Variants in EIF2B5 observed in about 807,000 individuals in gnomAD.
EIF2B5 encodes eukaryotic translation initiation factor 2B subunit epsilon, also known as translation initiation factor eIF2B subunit epsilon.
A neutral mutation model predicts 87.3 loss-of-function variants in EIF2B5; 38 were observed. The ratio of observed to expected loss-of-function variants is 0.44; its 90% CI spans 0.34 to 0.57. The LOEUF is 0.57. EIF2B5 is among the 20% of genes least tolerant of loss of function. The pLI is 0.02. For missense variants in EIF2B5, 784 were observed against 909.5 expected, an observed-to-expected ratio of 0.86 and a Z score of 1.78; for synonymous variants, 313 against 339.6, an observed-to-expected ratio of 0.92 and a Z score of 0.86.
rs1713674191 is a variant in EIF2B5, at chr3:184,142,301, C to T, written c.1367C>T (p.Ala456Val). Residue 456 changes from alanine (A) to valine (V), a missense_variant, in exon 9 of 16, where the codon GCA (alanine) becomes GTA (valine). Physicochemically the swap from Ala to Val is moderately conservative, Grantham distance 64 (BLOSUM62 0). Coordinates refer to ENST00000648915, the MANE Select transcript of EIF2B5 (RefSeq NM_003907.3). This position sits in a 1 kb window ranked among gnomAD's most constrained non-coding sequence, Gnocchi z 5.0. ...GSVISLHPPDAEEDEDDGEFS... is the reference protein window; with the variant it reads ...GSVISLHPPDVEEDEDDGEFS... ...GTGATCTCTTTGCACCCTCCAGATGCAGAGGAAGATGAAGATGATGGCGAG... is the reference window on the plus strand; with the variant it reads ...GTGATCTCTTTGCACCCTCCAGATGTAGAGGAAGATGAAGATGATGGCGAG... 1.2e-6 allele frequency: 2 copies of T among 1,614,050 alleles called. No individual in the cohort carries two copies. The highest frequency in any genetic ancestry group is 1.7e-6 in the Non-Finnish European group (2 of 1,180,008).
At position 184,140,522 on chromosome 3, in the gene EIF2B5, A is replaced by T; in HGVS notation, c.948A>T (p.Arg316=). The change falls in exon 7 of 16, where the codon CGA becomes CGT. Residue 316 remains arginine, a synonymous_variant. Transcript: ENST00000648915. ...YSAVCADVIR[R]WVYPLTPEAN... ...CTGTCTGTGCTGACGTCATCCGCCG[A>T]TGGGTCTACCCTCTCACCCCAGAGG... 6.2e-7 allele frequency: 1 copy of T among 1,614,102 alleles called. No homozygotes were observed. Among genetic ancestry groups the T allele is most frequent in the Non-Finnish European group, 8.5e-7 (1 of 1,180,014 alleles).
Position 184,142,349 on chromosome 3 carries a change from A to G in EIF2B5, c.1415A>G (p.Asp472Gly). ...GAGTTCAGTGATGATTCTGGGGCTG[A>G]CCAAGAAAAGGACAAAGTGAAGATG... ...DGEFSDDSGADQEKDKVKMKG... is the reference protein window; with the variant it reads ...DGEFSDDSGAGQEKDKVKMKG... The change falls in exon 9 of 16, where the codon GAC (aspartate) becomes GGC (glycine). Residue 472 changes from aspartate to glycine, a missense_variant. This residue lies in a region of EIF2B5 where 660 missense variants were observed against 789.5 expected (regional missense o/e 0.84). Transcript: ENST00000648915. This position sits in a 1 kb window ranked among gnomAD's most constrained non-coding sequence, Gnocchi z 5.0. The G allele has an allele frequency of 4.3e-6, 7 of 1,614,196 alleles. No homozygotes were observed. The highest frequency in any genetic ancestry group is 5.9e-6 in the Non-Finnish European group (7 of 1,180,040).
Position 184,140,690 on chromosome 3 carries a change from C to G in EIF2B5, c.1116C>G (p.Cys372Trp). The G allele has an allele frequency of 6.2e-7, 1 of 1,614,142 alleles. No homozygotes were observed. Residue 372 changes from cysteine (C) to tryptophan (W), a missense_variant, in exon 7 of 16, where the codon TGC becomes TGG. By Grantham distance (215) the Cys-to-Trp change is radical. Around this residue, in one of 3 missense-constraint regions of EIF2B5, gnomAD observed 660 missense variants for 789.5 expected, o/e 0.84. Transcript: ENST00000648915. ...CTGGCACTGTCATTGGCAGCAATTG[C>G]TTTATCACCAACAGTGTCATTGGCC... is the stretch of plus-strand genomic sequence containing the variant. The part of the protein sequence containing the change: ...LGSGTVIGSN[C>W]FITNSVIGPG...
chr3:184,142,971 T>C lies in EIF2B5; in HGVS notation c.1655-81T>C, dbSNP rs1391947067. 1.3e-6 allele frequency: 2 copies of C among 1,573,298 alleles called. No homozygotes were observed. The highest frequency in any genetic ancestry group is 4.5e-5 in the East Asian group (2 of 44,478). ...AGAGGCTTACGTTCCTCAGAAAGGG[T>C]TTGGTATCGAGTCAAGACTAGATGA... On this transcript the variant is annotated intron_variant, in intron 11 of 15. Coordinates refer to ENST00000648915, the MANE Select transcript of EIF2B5 (RefSeq NM_003907.3). The surrounding 1 kb of genome is among the most constrained non-coding windows in gnomAD (Gnocchi z 5.0).
At chr3:184,138,502 A>G (rs909770143) in intron 5 of EIF2B5, among the ~76,000 whole-genome samples, 1 of 148,806 alleles carries the variant, frequency 6.7e-6, no homozygotes, top group Non-Finnish European at 1.5e-5. Context: ...GATTACAGGC[A>G]CACCACCATG....
rs764431870 is a variant in EIF2B5 at position 184,142,110 on chromosome 3, A to G, written c.1302+40A>G. The G allele has an allele frequency of 1.2e-6, 2 of 1,614,112 alleles. No homozygotes were observed. Among genetic ancestry groups the G allele is most frequent in the Non-Finnish European group, 1.7e-6 (2 of 1,180,028 alleles). ...ATACTGTGCACAGGCCCTGAATTGC[A>G]TGGCAGTCACACTGAGCCAGAAGGG... On this transcript the variant is annotated intron_variant, in intron 8 of 15. Coordinates refer to ENST00000648915, the MANE Select transcript of EIF2B5 (RefSeq NM_003907.3). The surrounding 1 kb of genome is among the most constrained non-coding windows in gnomAD (Gnocchi z 5.0).
Position 184,144,253 on chromosome 3 carries a change from T to C in EIF2B5, c.1995+29T>C, listed in dbSNP as rs1446351493. On this transcript the variant is annotated intron_variant, in intron 14 of 15. Transcript: ENST00000648915. Reference sequence around the variant, plus strand: ...AATATGACCTCAAGCCCCATTCTTCTGCACTTGCTTTCAAACGAGGGTTGG... The same window carrying C: ...AATATGACCTCAAGCCCCATTCTTCCGCACTTGCTTTCAAACGAGGGTTGG... 5 of 1,613,326 alleles carry C rather than the reference T, an allele frequency of 3.1e-6. No individual in the cohort carries two copies. In the South Asian group the frequency reaches 4.4e-5, roughly 14 times the overall value.
At chr3:184,135,716 G>A in intron 1 of EIF2B5, 136 bp downstream of exon 1, 2 of 1,264,450 alleles carry the variant, frequency 1.6e-6, no homozygotes, top group Non-Finnish European at 1.1e-6. Flanking sequence ...CGGATGCAGA[G>A]GGACTGTCTA....
chr3:184,140,442 C>T lies in EIF2B5; in HGVS notation c.868C>T (p.His290Tyr). The T allele has an allele frequency of 1.9e-6, 3 of 1,614,142 alleles. No individual in the cohort carries two copies. The highest frequency in any genetic ancestry group is 2.2e-5 in the East Asian group (1 of 44,872). Residue 290 changes from histidine (H) to tyrosine (Y), a missense_variant, in exon 7 of 16, where the codon CAC (histidine) becomes TAC (tyrosine). By Grantham distance (83) the His-to-Tyr change is moderately conservative. This residue lies in a region of EIF2B5 where 660 missense variants were observed against 789.5 expected (regional missense o/e 0.84). Coordinates refer to ENST00000648915, the MANE Select transcript of EIF2B5 (RefSeq NM_003907.3). ...GATCCTAGGGAACCAGATCCACATG[C>T]ACGTAACAGCTAAGGAATATGGTGC... ...EEILGNQIHM[H>Y]VTAKEYGARV...
chr3:184,138,936 A>C (rs1371764037), intron 5 of EIF2B5: 5 of 273,894 alleles, frequency 1.8e-5, no homozygotes, highest in African/African-American at 1.2e-4. Flanking sequence ...TGCTGGGATT[A>C]CAGGCATGAG....
In EIF2B5 at chr3:184,135,512, C is replaced by G; in HGVS notation, c.127C>G (p.Leu43Val). ...RGAEEEPPPPLQAVLVADSFD... is the reference protein window; with the variant it reads ...RGAEEEPPPPVQAVLVADSFD... ...GGCGGAGGAGGAACCGCCGCCGCCC[C>G]TACAAGCAGTTCTGGTGGCCGATAG... The change falls in exon 1 of 16, where the codon CTA (leucine) becomes GTA (valine). Residue 43 changes from leucine (L) to valine (V), a missense_variant. Physicochemically the swap from Leu to Val is conservative, Grantham distance 32. Around this residue, in one of 3 missense-constraint regions of EIF2B5, gnomAD observed 117 missense variants for 101.0 expected, o/e 1.16. Transcript: ENST00000648915. 1.9e-6 allele frequency: 3 copies of G among 1,587,300 alleles called. No homozygotes were observed. Among genetic ancestry groups the G allele is most frequent in the Non-Finnish European group, 2.6e-6 (3 of 1,167,698 alleles).
In EIF2B5 at chr3:184,135,488, G is replaced by A. The variant is rs1044684010; in HGVS notation, c.103G>A (p.Ala35Thr). The A allele has an allele frequency of 6.3e-7, 1 of 1,580,656 alleles. No homozygotes were observed. The change falls in exon 1 of 16, where the codon GCG becomes ACG. Residue 35 changes from alanine (A) to threonine (T), a missense_variant. Physicochemically the swap from Ala to Thr is moderately conservative, Grantham distance 58. Transcript: ENST00000648915. Reference protein sequence around the residue: ...GGSGGGGARGAEEEPPPPLQA... With the variant: ...GGSGGGGARGTEEEPPPPLQA... ...CAGCGGTGGCGGGGGAGCCAGAGGG[G>A]CGGAGGAGGAACCGCCGCCGCCCCT...
intron 2 of EIF2B5, chr3:184,137,281 T>C: frequency 2.4e-6 from 1 of 418,304 alleles, no homozygotes; most frequent in Non-Finnish European, 4.5e-6. Context: ...GTTATATGGA[T>C]TGCAGAAGGG....
Position 184,144,584 on chromosome 3 carries a change from T to G in EIF2B5, c.1996-13T>G. 1.2e-6 allele frequency: 2 copies of G among 1,612,810 alleles called. No homozygotes were observed. Among genetic ancestry groups the G allele is most frequent in the Non-Finnish European group, 1.7e-6 (2 of 1,178,962 alleles). ...CCAAGGCCCCTGAGGTCCCCTTTAT[T>G]GGCCTTTTGCAGGTACTGATGGCTT... On this transcript the variant is annotated splice_polypyrimidine_tract_variant and intron_variant, in intron 14 of 15. Transcript: ENST00000648915.
At chr3:184,139,633 C>T (rs1713531275) in intron 5 of EIF2B5, among the ~76,000 whole-genome samples, 1 of 151,168 alleles carries the variant, frequency 6.6e-6, no homozygotes, top group Non-Finnish European at 1.5e-5. Context: ...CTCCAGTATC[C>T]CACTGGGAGT....
intron 1 of EIF2B5, among the ~76,000 whole-genome samples, chr3:184,136,250 T>G (rs1388685918): frequency 1.3e-5 from 2 of 152,244 alleles, no homozygotes; most frequent in Admixed American, 1.3e-4. Context: ...CTCTGACACT[T>G]AGAAAGGGAT....
chr3:184,141,505 G>T (rs1488546305), intron 7 of EIF2B5, among the ~76,000 whole-genome samples: 1 of 152,082 alleles, frequency 6.6e-6, no homozygotes, highest in Non-Finnish European at 1.5e-5. Context: ...GAGGTCGAGG[G>T]TGCAGTGAGT....
intron 6 of EIF2B5, 25 bp from the exon 7 acceptor site, chr3:184,140,393 T>G (rs1713572925): frequency 6.2e-7 from 1 of 1,613,426 alleles, no homozygotes; most frequent in Admixed American, 1.7e-5. Context: ...CTTGCTTAGG[T>G]GACCTCCCTT....
In EIF2B5 at chr3:184,142,161, C is replaced by T. The variant is rs1043341960; in HGVS notation, c.1303-76C>T. ...GCATTATTTCCACCCATAATCCTGT[C>T]TAAAAAAGTTGCTCTCATTATCAGG... On this transcript the variant is annotated intron_variant, in intron 8 of 15. Coordinates refer to ENST00000648915, the MANE Select transcript of EIF2B5 (RefSeq NM_003907.3). This position sits in a 1 kb window ranked among gnomAD's most constrained non-coding sequence, Gnocchi z 5.0. 6.2e-7 allele frequency: 1 copy of T among 1,613,878 alleles called. No individual in the cohort carries two copies. The highest frequency in any genetic ancestry group is 1.3e-5 in the African/African-American group (1 of 75,026).
Sources: gnomAD v4.1 joint callset for allele counts (sites outside exome capture counted in the v4.1 genomes callset) on GRCh38, gnomAD v4.1.1 for gene constraint, gnomAD v4.1.1 regional missense constraint, Gnocchi (gnomAD v3.1) non-coding constraint, MANE v1.5 for transcripts, NCBI Gene and HGNC (gene_info 2026-07-23, HGNC 2026-07-21) for gene names.